The following ROR1 variants were observed in gnomAD, a reference collection of about 807,000 sequenced individuals.
ROR1 encodes ROR family WNT receptor 1, also known as inactive tyrosine-protein kinase transmembrane receptor ROR1.
ROR1 carries 19 observed loss-of-function variants against 78.8 expected under a neutral mutation model. The observed-to-expected ratio is 0.24, with a 90% CI of 0.17 to 0.35. The LOEUF (loss-of-function observed/expected upper bound fraction) is 0.35, where lower values mean the gene tolerates loss of function less well. Ranked by LOEUF, ROR1 falls within the 10% of genes least tolerant of loss-of-function variation. ROR1 has a pLI of 1.00. For missense variants in ROR1, 917 were observed against 1,177.8 expected, an observed-to-expected ratio of 0.78 and a Z score of 3.24; for synonymous variants, 386 against 433.6, an observed-to-expected ratio of 0.89 and a Z score of 1.36.
At chr1:64,069,630 A>T (rs1006242907) in intron 4 of ROR1, among the ~76,000 whole-genome samples, 4 of 152,038 alleles carry the variant, frequency 2.6e-5, no homozygotes, top group African/African-American at 9.7e-5. Context: ...GCAAAGTAAA[A>T]TGTTATTCTT....
At position 63,774,515 on chromosome 1, in the gene ROR1, G is replaced by C; in HGVS notation, c.91+7G>C. On this transcript the variant is annotated splice_region_variant and intron_variant, in intron 1 of 8. Transcript: ENST00000371079. This position sits in a 1 kb window ranked among gnomAD's most constrained non-coding sequence, Gnocchi z 5.7. ...CGCGGGGCTGCTGCCCAAGGTAAGAGGCGCCCGCCGGCCCCCGCCCGCCCA... is the reference window on the plus strand; with the variant it reads ...CGCGGGGCTGCTGCCCAAGGTAAGACGCGCCCGCCGGCCCCCGCCCGCCCA... 9.0e-7 allele frequency: 1 copy of C among 1,114,494 alleles called. No individual in the cohort carries two copies. The highest frequency in any genetic ancestry group is 1.1e-6 in the Non-Finnish European group (1 of 915,582). 69.0% of individuals were successfully genotyped at this position (1,114,494 alleles called of 1,614,324 possible).
intron 1 of ROR1, among the ~76,000 whole-genome samples, chr1:63,812,824 G>A (rs1644868528): frequency 6.6e-6 from 1 of 152,140 alleles, no homozygotes; most frequent in African/African-American, 2.4e-5. Flanking sequence ...CTGTGAGGGA[G>A]GAATTATTGA....
At chr1:64,101,479 G>A (rs1318759976) in intron 4 of ROR1, among the ~76,000 whole-genome samples, 1 of 152,118 alleles carries the variant, frequency 6.6e-6, no homozygotes, top group Non-Finnish European at 1.5e-5. Context: ...GAGACATAAT[G>A]GTACAAGCTC....
chr1:64,051,307 G>A (rs1424436575), intron 4 of ROR1, among the ~76,000 whole-genome samples: 1 of 151,632 alleles, frequency 6.6e-6, no homozygotes, highest in African/African-American at 2.4e-5. Context: ...AAAATTAGCC[G>A]TGCGTCGTGG....
chr1:63,947,655 A>G (rs1387017914), intron 1 of ROR1, among the ~76,000 whole-genome samples: 7 of 152,158 alleles, frequency 4.6e-5, no homozygotes, highest in African/African-American at 1.7e-4. Flanking sequence ...GACCTGTGTG[A>G]GCTGGTGTCA....
intron 1 of ROR1, among the ~76,000 whole-genome samples, chr1:63,808,551 A>C (rs1168341167): frequency 2.0e-5 from 3 of 152,184 alleles, no homozygotes; most frequent in Non-Finnish European, 4.4e-5. Context: ...ATGTCTGTTA[A>C]ATGGATGAAT....
chr1:63,992,789 G>A (rs1027360588), intron 1 of ROR1, among the ~76,000 whole-genome samples: 7 of 152,174 alleles, frequency 4.6e-5, no homozygotes, highest in Non-Finnish European at 1.0e-4. Flanking sequence ...AAACTCTCAT[G>A]GATAGATAGC....
At chr1:64,164,236 T>A (rs374598576) in intron 8 of ROR1, among the ~76,000 whole-genome samples, 1 of 152,196 alleles carries the variant, frequency 6.6e-6, no homozygotes, top group African/African-American at 2.4e-5. Context: ...TTTCAAGTTA[T>A]AAAATTCTTG....
At chr1:64,142,816 T>A (rs1025899845) in intron 7 of ROR1, 166 bp downstream of exon 7, 2 of 1,433,034 alleles carry the variant, frequency 1.4e-6, no homozygotes, top group East Asian at 5.0e-5. Flanking sequence ...ATAAAACACC[T>A]CGTAAGGTAC....
intron 1 of ROR1, among the ~76,000 whole-genome samples, chr1:63,800,884 C>T (rs1184422258): frequency 1.3e-5 from 2 of 151,814 alleles, no homozygotes; most frequent in Non-Finnish European, 2.9e-5. Flanking sequence ...CCAGAGCTGC[C>T]ACTGTGGGGA....
At chr1:63,999,141 A>G (rs540378328) in intron 1 of ROR1, among the ~76,000 whole-genome samples, 1 of 152,228 alleles carries the variant, frequency 6.6e-6, no homozygotes, top group Non-Finnish European at 1.5e-5. Context: ...AGACGTATAC[A>G]TGGCCAAGGC....
intron 1 of ROR1, among the ~76,000 whole-genome samples, chr1:63,896,710 A>G (rs755184441): frequency 6.6e-6 from 1 of 152,094 alleles, no homozygotes; most frequent in Non-Finnish European, 1.5e-5. Context: ...AGAGGGGAGC[A>G]GGTCACTGAA....
At chr1:64,067,730 T>TTTTTTTTTTTTTTTTAG in intron 4 of ROR1, among the ~76,000 whole-genome samples, 1 of 125,192 alleles carries the variant, frequency 8.0e-6, no homozygotes, top group African/African-American at 3.5e-5. Flanking sequence ...TTTTTTTTTT[T>TTTTTTTTTTTTTTTTAG]GAGACGGAGT....
intron 1 of ROR1, among the ~76,000 whole-genome samples, chr1:63,777,323 T>C (rs187997327): frequency 2.0e-4 from 31 of 152,306 alleles, no homozygotes; most frequent in African/African-American, 7.0e-4. Context: ...TCTGTACTTT[T>C]AGAATAGAAG....
At chr1:63,983,610 G>C (rs1233915834) in intron 1 of ROR1, among the ~76,000 whole-genome samples, 1 of 152,152 alleles carries the variant, frequency 6.6e-6, no homozygotes, top group African/African-American at 2.4e-5. Context: ...CTGGTACCCT[G>C]CAATCCCTCC....
chr1:64,012,246 T>C (rs988311871), intron 2 of ROR1, among the ~76,000 whole-genome samples: 7 of 152,184 alleles, frequency 4.6e-5, no homozygotes, highest in Non-Finnish European at 7.3e-5. Flanking sequence ...TGCGTTAGGA[T>C]ATGAATGAAG....
At chr1:64,011,262 A>G (rs949221361) in intron 2 of ROR1, among the ~76,000 whole-genome samples, 2 of 152,218 alleles carry the variant, frequency 1.3e-5, no homozygotes, top group Non-Finnish European at 2.9e-5. Flanking sequence ...CATCAACCAC[A>G]ATGCCTAGAA....
rs796327592 is a variant in ROR1, at chr1:63,833,666, A to AT, written c.91+59169dup. 6.7e-3 allele frequency among the ~76,000 whole-genome samples: 974 copies of AT among 145,654 alleles called. 9 individuals carry two copies. The highest frequency in any genetic ancestry group is 0.022 in the African/African-American group (892 of 39,906). On this transcript the variant is annotated intron_variant, in intron 1 of 8. Coordinates refer to ENST00000371079, the MANE Select transcript of ROR1 (RefSeq NM_005012.4). ...GGTTCTATCTATAAAGTTCCTTTTC[A>AT]TTTTTTTTTTTCCTTCAAGGTAGTG...
At chr1:64,026,597 T>A (rs974928720) in intron 2 of ROR1, among the ~76,000 whole-genome samples, 1 of 152,206 alleles carries the variant, frequency 6.6e-6, no homozygotes, top group Non-Finnish European at 1.5e-5. Flanking sequence ...CTGGGCTTGG[T>A]AATTTATAAA....
Sources: gnomAD v4.1 joint callset for allele counts (sites outside exome capture counted in the v4.1 genomes callset) on GRCh38, gnomAD v4.1.1 for gene constraint, Gnocchi (gnomAD v3.1) non-coding constraint, MANE v1.5 for transcripts, NCBI Gene and HGNC (gene_info 2026-07-23, HGNC 2026-07-21) for gene names.